The following NARS2 variants were observed in gnomAD, a reference collection of about 807,000 sequenced individuals.
The protein encoded by NARS2 is asparaginyl-tRNA synthetase.
A neutral mutation model predicts 62.9 loss-of-function variants in NARS2; 60 were observed. The ratio of observed to expected loss-of-function variants is 0.95; its 90% CI spans 0.77 to 1.18. NARS2 has a LOEUF of 1.18. Ranked by LOEUF, NARS2 falls within the 50% of genes most tolerant of loss-of-function variation. The pLI is 0.00. For missense variants in NARS2, 619 were observed against 576.4 expected (o/e 1.07, Z -0.76); for synonymous variants, 196 against 200.0 (o/e 0.98, Z 0.17).
chr11:78,559,212 A>G (rs1856471747), intron 5 of NARS2, among the ~76,000 whole-genome samples: 1 of 148,750 alleles, frequency 6.7e-6, no homozygotes. Flanking sequence ...CCGAGGCAGG[A>G]GAATCGCTTG....
intron 6 of NARS2, among the ~76,000 whole-genome samples, chr11:78,505,670 CTG>C (rs1565244056): frequency 6.6e-6 from 1 of 152,098 alleles, no homozygotes; most frequent in Non-Finnish European, 1.5e-5. Flanking sequence ...CTACTAATCA[CTG>C]TGGAAAATAC....
chr11:78,540,153 A>G (rs1292377775), intron 5 of NARS2, among the ~76,000 whole-genome samples: 1 of 152,218 alleles, frequency 6.6e-6, no homozygotes, highest in Non-Finnish European at 1.5e-5. Flanking sequence ...GGAAGACAGT[A>G]AATAGCACAG....
At chr11:78,469,616 T>C (rs899389109) in intron 9 of NARS2, among the ~76,000 whole-genome samples, 1 of 152,186 alleles carries the variant, frequency 6.6e-6, no homozygotes, top group Non-Finnish European at 1.5e-5. Context: ...AGCAAAATAC[T>C]TTTTCCTAAA....
At chr11:78,452,771 T>C (rs1343816516) in intron 11 of NARS2, among the ~76,000 whole-genome samples, 1 of 152,194 alleles carries the variant, frequency 6.6e-6, no homozygotes, top group African/African-American at 2.4e-5. Flanking sequence ...TCAGCCTTCC[T>C]ATATTACTCT....
At chr11:78,449,570 A>C (rs1369310925) in intron 11 of NARS2, among the ~76,000 whole-genome samples, 1 of 152,162 alleles carries the variant, frequency 6.6e-6, no homozygotes, top group Non-Finnish European at 1.5e-5. Context: ...CACTTAGTAT[A>C]AAATTAAGGT....
intron 5 of NARS2, among the ~76,000 whole-genome samples, chr11:78,548,350 C>T (rs1013985519): frequency 6.6e-6 from 1 of 152,114 alleles, no homozygotes; most frequent in Non-Finnish European, 1.5e-5. Context: ...CACATACCAT[C>T]TAAAAACGTT....
intron 5 of NARS2, among the ~76,000 whole-genome samples, chr11:78,552,805 C>T (rs1278524098): frequency 1.3e-5 from 2 of 152,196 alleles, no homozygotes; most frequent in Non-Finnish European, 2.9e-5. Flanking sequence ...TGCACTCGGA[C>T]CACCTTGGGC....
At chr11:78,460,378 A>G (rs1026184506) in intron 11 of NARS2, among the ~76,000 whole-genome samples, 2 of 151,732 alleles carry the variant, frequency 1.3e-5, no homozygotes, top group Non-Finnish European at 2.9e-5. Flanking sequence ...AAGTGCAGGG[A>G]TTACAGGCAT....
At chr11:78,561,094 GA>G (rs547739519) in intron 4 of NARS2, among the ~76,000 whole-genome samples, 208 of 151,704 alleles carry the variant, frequency 1.4e-3, no homozygotes, top group Admixed American at 3.5e-3. Context: ...AAATAACTGA[GA>G]TTTTTTTTTA....
At chr11:78,541,958 T>A (rs1184136543) in intron 5 of NARS2, among the ~76,000 whole-genome samples, 1 of 152,252 alleles carries the variant, frequency 6.6e-6, no homozygotes, top group East Asian at 1.9e-4. Context: ...GATTTGCCTA[T>A]TAACAAGCCA....
At chr11:78,495,073 T>C (rs1014850405) in intron 6 of NARS2, among the ~76,000 whole-genome samples, 7 of 152,214 alleles carry the variant, frequency 4.6e-5, no homozygotes, top group African/African-American at 1.7e-4. Flanking sequence ...TTAACTGGTG[T>C]CTGGCACCTG....
chr11:78,532,468 G>T (rs1313321768), intron 5 of NARS2, among the ~76,000 whole-genome samples: 1 of 152,078 alleles, frequency 6.6e-6, no homozygotes. Context: ...TGAGAAAGAA[G>T]ATATACAGAA....
chr11:78,488,234 TAAAAAA>T (rs34959536), intron 7 of NARS2, among the ~76,000 whole-genome samples: 1 of 128,856 alleles, frequency 7.8e-6, no homozygotes. Flanking sequence ...GCCTACCTGG[TAAAAAA>T]AAAAAAAAAA....
In NARS2 at chr11:78,465,118, G is replaced by C. The variant is rs574476629; in HGVS notation, c.1164+758C>G. On this transcript the variant is annotated intron_variant, in intron 11 of 13. Transcript: ENST00000281038. ...CTGCAGGTCCCGAGCCCTGCCCCAC[G>C]GGAAGGCAGCTAAGGCCTGGCAGGA... 4.6e-5 allele frequency among the ~76,000 whole-genome samples: 7 copies of C among 152,328 alleles called. 1 individual carries two copies. The South Asian group carries it at 1.2e-3, about 27-fold the overall frequency.
intron 6 of NARS2, among the ~76,000 whole-genome samples, chr11:78,507,908 CCT>C (rs1250547086): frequency 2.0e-5 from 3 of 151,724 alleles, no homozygotes; most frequent in African/African-American, 7.3e-5. Flanking sequence ...AGAAATTGTC[CCT>C]GAGAAAGATC....
chr11:78,497,292 T>C (rs1860102285), intron 6 of NARS2, among the ~76,000 whole-genome samples: 2 of 147,480 alleles, frequency 1.4e-5, no homozygotes, highest in Non-Finnish European at 1.5e-5. Context: ...CTCCCGTGTA[T>C]GGAGTTTTAT....
intron 11 of NARS2, among the ~76,000 whole-genome samples, chr11:78,446,961 A>G (rs1857782253): frequency 1.3e-5 from 2 of 152,198 alleles, no homozygotes; most frequent in South Asian, 4.2e-4. Flanking sequence ...AGGGGTTAAT[A>G]CCCAAAATAC....
At chr11:78,469,375 T>C in intron 9 of NARS2, 62 bp from the exon 10 acceptor site, 8 of 1,268,766 alleles carry the variant, frequency 6.3e-6, no homozygotes, top group Non-Finnish European at 9.2e-6. Flanking sequence ...AACTAGTTCA[T>C]TTTAAAACCA....
intron 4 of NARS2, among the ~76,000 whole-genome samples, chr11:78,563,468 G>A (rs1381377700): frequency 6.6e-6 from 1 of 151,556 alleles, no homozygotes; most frequent in Non-Finnish European, 1.5e-5. Context: ...TGCCTGCCTC[G>A]GCCTCCCAAA....
Sources: gnomAD v4.1 joint callset for allele counts (sites outside exome capture counted in the v4.1 genomes callset) on GRCh38, gnomAD v4.1.1 for gene constraint, MANE v1.5 for transcripts, NCBI Gene and HGNC (gene_info 2026-07-23, HGNC 2026-07-21) for gene names.